Variants in PELP1 observed in about 807,000 individuals in gnomAD.
PELP1 encodes proline-, glutamic acid- and leucine-rich protein 1.
A neutral mutation model predicts 95.5 loss-of-function variants in PELP1; 32 were observed. The ratio of observed to expected loss-of-function variants is 0.34; its 90% CI spans 0.25 to 0.45. The LOEUF (loss-of-function observed/expected upper bound fraction) is 0.45. Among genes scored for constraint, PELP1 ranks in the 20% least tolerant of loss-of-function variants. The pLI is 1.00. For missense variants in PELP1, 1,358 were observed against 1,444.8 expected (o/e 0.94, Z 0.97); for synonymous variants, 668 against 600.1 (o/e 1.11, Z -1.65).
chr17:4,681,704 G>A (rs979474499), intron 5 of PELP1, among the ~76,000 whole-genome samples: 2 of 151,768 alleles, frequency 1.3e-5, no homozygotes, highest in African/African-American at 4.8e-5. Flanking sequence ...GGAGGCTGAG[G>A]CAGGACAATT....
At position 4,671,941 on chromosome 17, in the gene PELP1, T is replaced by C. The variant is rs1283731901; in HGVS notation, c.3050A>G (p.Glu1017Gly). Residue 1017 changes from glutamate to glycine, a missense_variant, in exon 16 of 17, where the codon GAG (glutamate) becomes GGG (glycine). Glu to Gly is a moderately conservative substitution (Grantham distance 98). Transcript: ENST00000572293. ...GGTGGGAGCTGTGTCAGCCCCACGC[T>C]CCTCCTCCGTCCCTGGCTCCTCCAC... ...LEVEEPGTEE[E>G]RGADTAPTLA... The C allele has an allele frequency of 6.6e-7, 1 of 1,525,428 alleles. No homozygotes were observed. Among genetic ancestry groups the C allele is most frequent in the Non-Finnish European group, 8.8e-7 (1 of 1,141,726 alleles). 94.5% of individuals were successfully genotyped at this position (1,525,428 alleles called of 1,614,324 possible).
At position 4,674,893 on chromosome 17, in the gene PELP1, C is replaced by T. The variant is rs374419365; in HGVS notation, c.1338G>A (p.Ala446=). 21 of 1,613,624 alleles carry T rather than the reference C, an allele frequency of 1.3e-5. No individual in the cohort carries two copies. In the East Asian group the frequency reaches 2.5e-4, roughly 19 times the overall value. ...ELWVQVCGAS[A]GMLQGGASGE... ...CAGAGGCTCCTCCCTGAAGCATTCC[C>T]GCCGAGGCCCCACAAACCTGCACCC... is the stretch of plus-strand genomic sequence containing the variant. Residue 446 remains alanine, a synonymous_variant, in exon 12 of 17, where the codon GCG becomes GCA. Transcript: ENST00000572293.
In PELP1 at chr17:4,704,071, G is replaced by A. The variant is rs749389806; in HGVS notation, c.41C>T (p.Ala14Val). Residue 14 changes from alanine (A) to valine (V), a missense_variant, in exon 1 of 17, where the codon GCG becomes GTG. By Grantham distance (64) the Ala-to-Val change is moderately conservative. Around this residue, in one of 7 missense-constraint regions of PELP1, gnomAD observed 169 missense variants for 134.9 expected, o/e 1.25. Transcript: ENST00000572293. ...AVLSGPSAGS[A>V]AGVPGGTGGL... ...CCCGGTCCCGCCAGGAACCCCAGCC[G>A]CGGAGCCCGCAGAGGGCCCACTCAG... 6 of 1,611,582 alleles carry A rather than the reference G, an allele frequency of 3.7e-6. No individual in the cohort carries two copies. The East Asian group carries it at 6.7e-5, about 18-fold the overall frequency.
Position 4,669,993 on chromosome 17 carries a change from T to C in PELP1, c.*1446A>G, listed in dbSNP as rs1228325213. 1 of 152,118 alleles carries C rather than the reference T, an allele frequency of 6.6e-6. No homozygotes were observed. The highest frequency in any genetic ancestry group is 1.9e-4 in the East Asian group (1 of 5,198). The allele number at this position is 152,118 out of a possible 1,614,324, so 9.4% of individuals were successfully genotyped here. ...ATGTGTATAACTACAGATGTATAGA[T>C]TAGACAGATATATGGGTGTAATATA... On this transcript the variant is annotated 3_prime_UTR_variant, in exon 17 of 17. Transcript: ENST00000572293.
chr17:4,694,708 T>C (rs1354182835), intron 1 of PELP1, among the ~76,000 whole-genome samples: 2 of 150,772 alleles, frequency 1.3e-5, no homozygotes, highest in Non-Finnish European at 2.9e-5. Flanking sequence ...CGCGGTGGCT[T>C]ACGCCTGTAA....
In PELP1 at chr17:4,691,401, T is replaced by G; in HGVS notation, c.291A>C (p.Ala97=). ...ACCGAGTTTTGATGGAACTGAGACG[T>G]GCATTACTGAGACTCACCAATGCCC... ...ALGALVSLSN[A]RLSSIKTRFE... Residue 97 remains alanine, a synonymous_variant, in exon 2 of 17, where the codon GCA becomes GCC. Transcript: ENST00000572293. 3 of 1,613,610 alleles carry G rather than the reference T, an allele frequency of 1.9e-6. No individual in the cohort carries two copies. Among genetic ancestry groups the G allele is most frequent in the Admixed American group, 1.7e-5 (1 of 60,024 alleles).
At chr17:4,699,957 C>T (rs1343041860) in intron 1 of PELP1, among the ~76,000 whole-genome samples, 3 of 129,068 alleles carry the variant, frequency 2.3e-5, no homozygotes, top group Non-Finnish European at 4.6e-5. Flanking sequence ...GGCTAGAGTG[C>T]AGAGGCGCGA....
chr17:4,693,104 G>A (rs1182887398), intron 1 of PELP1, among the ~76,000 whole-genome samples: 4 of 152,150 alleles, frequency 2.6e-5, no homozygotes, highest in African/African-American at 4.8e-5. Flanking sequence ...ATAAAATGGC[G>A]CAGCCACTCT....
intron 3 of PELP1, among the ~76,000 whole-genome samples, chr17:4,689,284 A>G (rs1024521802): frequency 3.9e-5 from 6 of 152,252 alleles, no homozygotes; most frequent in Non-Finnish European, 8.8e-5. Flanking sequence ...GGCTTAGGCA[A>G]AGAGTTCATG....
chr17:4,688,256 AC>A (rs2150561494), intron 3 of PELP1, among the ~76,000 whole-genome samples: 1 of 152,022 alleles, frequency 6.6e-6, no homozygotes, highest in East Asian at 1.9e-4. Flanking sequence ...AATTGCTTGA[AC>A]CCAGGAGGCG....
At chr17:4,700,735 G>T (rs12451741) in intron 1 of PELP1, among the ~76,000 whole-genome samples, 99,112 of 151,342 alleles carry the variant, frequency 0.65, 33,255 homozygotes, top group East Asian at 0.82. Context: ...GACCAGCCTG[G>T]ACAACATATA....
In PELP1 at chr17:4,672,454, G is replaced by A. The variant is rs76904479; in HGVS notation, c.2537C>T (p.Pro846Leu). ...PGPLPPPPPP[P>L]PPVPGPVTLP... ...CGTCACAGGACCAGGAACAGGCGGC[G>A]GCGGAGGTGGGGGTGGCGGGAGAGG... The change falls in exon 16 of 17, where the codon CCG (proline) becomes CTG (leucine). Residue 846 changes from proline (P) to leucine (L), a missense_variant. By Grantham distance (98) the Pro-to-Leu change is moderately conservative (BLOSUM62 -3). Transcript: ENST00000572293. 1,119 of 1,567,042 alleles carry A rather than the reference G, an allele frequency of 7.1e-4. 12 individuals are homozygous for A. In the African/African-American group the frequency reaches 0.013, roughly 19 times the overall value.
At chr17:4,683,171 A>G in intron 3 of PELP1, 1 of 958,456 alleles carries the variant, frequency 1.0e-6, no homozygotes. Context: ...GTGGGGGAAA[A>G]AAAGAGTAAC....
chr17:4,673,466 A>G lies in PELP1; in HGVS notation c.1639-10T>C. On this transcript the variant is annotated splice_polypyrimidine_tract_variant and intron_variant, in intron 14 of 16. Coordinates refer to ENST00000572293, the MANE Select transcript of PELP1 (RefSeq NM_014389.3). The surrounding 1 kb of genome is among the most constrained non-coding windows in gnomAD (Gnocchi z 5.7). ...CCAGGTCATGCAGTCTCTGAAAAGGACAGAGCACACCTGGAAACATCCCCA... is the reference window on the plus strand; with the variant it reads ...CCAGGTCATGCAGTCTCTGAAAAGGGCAGAGCACACCTGGAAACATCCCCA... 2 of 1,585,822 alleles carry G rather than the reference A, an allele frequency of 1.3e-6. No homozygotes were observed. The highest frequency in any genetic ancestry group is 1.7e-6 in the Non-Finnish European group (2 of 1,165,172).
intron 1 of PELP1, among the ~76,000 whole-genome samples, chr17:4,702,113 T>C (rs182285987): frequency 5.1e-4 from 78 of 152,068 alleles, no homozygotes; most frequent in African/African-American, 1.2e-3. Flanking sequence ...ATTTCACAAA[T>C]ACTTATAAAA....
intron 5 of PELP1, among the ~76,000 whole-genome samples, chr17:4,678,319 G>A (rs1194547249): frequency 6.6e-6 from 1 of 152,018 alleles, no homozygotes; most frequent in Non-Finnish European, 1.5e-5. Context: ...GCAGGCTCAC[G>A]CTTTCCCCGA....
chr17:4,671,848 G>T lies in PELP1; in HGVS notation c.3143C>A (p.Pro1048His). The T allele has an allele frequency of 6.6e-7, 1 of 1,512,016 alleles. No individual in the cohort carries two copies. The highest frequency in any genetic ancestry group is 2.4e-5 in the Admixed American group (1 of 42,400). 93.7% of individuals were successfully genotyped at this position (1,512,016 alleles called of 1,614,324 possible). ...EREGESPAAG[P>H]PPQELVEEEP... Reference sequence around the variant, plus strand: ...TTCTTCAACAAGCTCCTGGGGAGGGGGCCCTGCCGCAGGGCTTTCCCCTTC... The same window carrying T: ...TTCTTCAACAAGCTCCTGGGGAGGGTGCCCTGCCGCAGGGCTTTCCCCTTC... The change falls in exon 16 of 17, where the codon CCC (proline) becomes CAC (histidine). Residue 1048 changes from proline to histidine, a missense_variant. Coordinates refer to ENST00000572293, the MANE Select transcript of PELP1 (RefSeq NM_014389.3).
chr17:4,691,826 C>T (rs971152562), intron 1 of PELP1: 2 of 170,196 alleles, frequency 1.2e-5, no homozygotes, highest in Middle Eastern at 2.5e-3. Context: ...CATCCATTAT[C>T]CTTCCTTCAC....
At chr17:4,681,242 T>A (rs377087266) in intron 5 of PELP1, among the ~76,000 whole-genome samples, 38 of 152,332 alleles carry the variant, frequency 2.5e-4, no homozygotes, top group African/African-American at 8.9e-4. Flanking sequence ...CCCAACACTT[T>A]GGGAGGCCGA....
Sources: allele counts gnomAD v4.1 joint callset (sites outside exome capture counted in the v4.1 genomes callset), GRCh38; gene constraint gnomAD v4.1.1; regional missense constraint gnomAD v4.1.1; non-coding constraint Gnocchi (gnomAD v3.1); transcripts MANE v1.5; gene names NCBI Gene and HGNC (gene_info 2026-07-23, HGNC 2026-07-21).